The following SPMIP7 variants were observed in gnomAD, a reference collection of about 807,000 sequenced individuals.
SPMIP7 encodes the protein protein SPMIP7.
the SPMIP7 span, among the ~76,000 whole-genome samples, chr7:50,128,026 C>A: frequency 6.6e-6 from 1 of 151,940 alleles, no homozygotes; most frequent in Admixed American, 6.6e-5. Flanking sequence ...ATGTTTATTG[C>A]AGCCCTATTC....
chr7:50,125,177 T>G, the SPMIP7 span, among the ~76,000 whole-genome samples: 1 of 81,902 alleles, frequency 1.2e-5, no homozygotes, highest in African/African-American at 4.6e-5. Context: ...TATACACATA[T>G]ATATACACAT....
At chr7:50,103,152 C>T in the SPMIP7 span, among the ~76,000 whole-genome samples, 3 of 151,278 alleles carry the variant, frequency 2.0e-5, no homozygotes, top group African/African-American at 7.3e-5. Context: ...CCTATCCTTC[C>T]CTAAGCACCT....
the SPMIP7 span, chr7:50,120,287 A>G: frequency 1.3e-5 from 2 of 152,218 alleles, no homozygotes; most frequent in African/African-American, 2.4e-5. Context: ...TCTTGTTGGT[A>G]GATGGTGCCA....
chr7:50,137,423 C>A, the SPMIP7 span, among the ~76,000 whole-genome samples: 6 of 152,062 alleles, frequency 3.9e-5, no homozygotes, highest in Non-Finnish European at 8.8e-5. Flanking sequence ...AAAAATTATT[C>A]ATCCATTCTC....
the SPMIP7 span, among the ~76,000 whole-genome samples, chr7:50,132,214 C>CCTTGTTGAA: frequency 6.6e-6 from 1 of 152,036 alleles, no homozygotes; most frequent in African/African-American, 2.4e-5. Flanking sequence ...AACATGGGAT[C>CCTTGTTGAA]CTTGTTGAAC....
At chr7:50,146,903 C>A in the SPMIP7 span, among the ~76,000 whole-genome samples, 540 of 152,318 alleles carry the variant, frequency 3.5e-3, 4 homozygotes, top group African/African-American at 0.012. Context: ...TGCATCACAT[C>A]GCCCCCAGCA....
chr7:50,113,071 AC>A, the SPMIP7 span, among the ~76,000 whole-genome samples: 2 of 151,962 alleles, frequency 1.3e-5, no homozygotes, highest in African/African-American at 4.8e-5. Context: ...AGAATAAAAA[AC>A]TTTATAGTAC....
chr7:50,118,018 C>G, the SPMIP7 span, among the ~76,000 whole-genome samples: 3 of 152,172 alleles, frequency 2.0e-5, no homozygotes, highest in Non-Finnish European at 4.4e-5. Flanking sequence ...AAGGAATTCC[C>G]TGGCAGATTT....
the SPMIP7 span, among the ~76,000 whole-genome samples, chr7:50,143,695 A>G: frequency 5.3e-5 from 8 of 152,236 alleles, no homozygotes; most frequent in African/African-American, 1.9e-4. Flanking sequence ...GTAGAACTGA[A>G]TCTGATCATT....
chr7:50,120,176 CAA>C, the SPMIP7 span: 3 of 152,080 alleles, frequency 2.0e-5, no homozygotes, highest in African/African-American at 7.2e-5. Context: ...AATCAAAGGC[CAA>C]AGTGATCAAT....
chr7:50,134,868 C>G, the SPMIP7 span, among the ~76,000 whole-genome samples: 2 of 152,138 alleles, frequency 1.3e-5, no homozygotes, highest in African/African-American at 2.4e-5. Flanking sequence ...ACTGATTAAA[C>G]CCATCCTTTT....
the SPMIP7 span, among the ~76,000 whole-genome samples, chr7:50,149,000 C>G: frequency 6.6e-6 from 1 of 152,160 alleles, no homozygotes; most frequent in Admixed American, 6.5e-5. Flanking sequence ...CAAAAGTTAG[C>G]TGGGCATGGT....
the SPMIP7 span, among the ~76,000 whole-genome samples, chr7:50,138,819 C>T: frequency 2.0e-5 from 3 of 151,662 alleles, no homozygotes; most frequent in African/African-American, 7.3e-5. Context: ...ATACACAACG[C>T]TGTACTCAAG....
At chr7:50,135,632 AG>A in the SPMIP7 span, among the ~76,000 whole-genome samples, 1 of 152,182 alleles carries the variant, frequency 6.6e-6, no homozygotes, top group Admixed American at 6.5e-5. Flanking sequence ...TACCTGTGAA[AG>A]TTGGTCCTTT....
chr7:50,151,834 G>A, the SPMIP7 span, among the ~76,000 whole-genome samples: 1 of 152,072 alleles, frequency 6.6e-6, no homozygotes, highest in African/African-American at 2.4e-5. Context: ...GGCCAAAAGG[G>A]GCATATGAAG....
At chr7:50,111,140 T>C in the SPMIP7 span, among the ~76,000 whole-genome samples, 2 of 149,300 alleles carry the variant, frequency 1.3e-5, no homozygotes, top group African/African-American at 2.4e-5. Flanking sequence ...ATATATGTAT[T>C]GAAATGGTGT....
the SPMIP7 span, among the ~76,000 whole-genome samples, chr7:50,131,483 G>A: frequency 1.3e-5 from 2 of 152,170 alleles, no homozygotes; most frequent in Admixed American, 6.6e-5. Context: ...GAAATCAACC[G>A]GGGTGTCATG....
At chr7:50,128,523 C>T in the SPMIP7 span, among the ~76,000 whole-genome samples, 15 of 151,958 alleles carry the variant, frequency 9.9e-5, no homozygotes, top group South Asian at 4.1e-4. Context: ...ATTCCAATTA[C>T]TCTGATTTGA....
the SPMIP7 span, among the ~76,000 whole-genome samples, chr7:50,109,610 AGT>A: frequency 6.6e-6 from 1 of 152,192 alleles, no homozygotes; most frequent in South Asian, 2.1e-4. Context: ...CCTGACCTCA[AGT>A]GATCCACCCG....
Sources: allele counts gnomAD v4.1 joint callset (sites outside exome capture counted in the v4.1 genomes callset), GRCh38; gene constraint gnomAD v4.1.1; transcripts MANE v1.5; gene names NCBI Gene and HGNC (gene_info 2026-07-23, HGNC 2026-07-21).